The following NR3C2 variants were observed in gnomAD, a reference collection of about 807,000 sequenced individuals.
NR3C2 encodes mineralocorticoid receptor.
A neutral mutation model predicts 86.4 loss-of-function variants in NR3C2; 15 were observed. The observed-to-expected ratio is 0.17, with a 90% CI of 0.12 to 0.27. The LOEUF (loss-of-function observed/expected upper bound fraction) is 0.27, where lower values mean the gene tolerates loss of function less well. Among genes scored for constraint, NR3C2 ranks in the 10% least tolerant of loss-of-function variants. The pLI is 1.00. For missense variants in NR3C2, 960 were observed against 1,195.6 expected, an observed-to-expected ratio of 0.80 and a Z score of 2.91; for synonymous variants, 458 against 450.5, an observed-to-expected ratio of 1.02 and a Z score of -0.21.
chr4:148,233,366 GTT>G (rs56388064), intron 3 of NR3C2, among the ~76,000 whole-genome samples: 1 of 142,782 alleles, frequency 7.0e-6, no homozygotes, highest in African/African-American at 2.6e-5. Context: ...ATTTCTTTAG[GTT>G]TTTTTTTTTG....
intron 8 of NR3C2, among the ~76,000 whole-genome samples, chr4:148,082,997 A>C (rs1198019512): frequency 3.3e-5 from 5 of 152,108 alleles, no homozygotes; most frequent in Admixed American, 3.3e-4. Flanking sequence ...GCAGCTCCCC[A>C]AAACCACTGT....
chr4:148,361,828 T>TCTGTTGTTGTTG (rs1745851910), intron 2 of NR3C2, among the ~76,000 whole-genome samples: 2 of 151,880 alleles, frequency 1.3e-5, no homozygotes, highest in Admixed American at 1.3e-4. Context: ...ACCCTAAAGT[T>TCTGTTGTTGTTG]TTGTTGTTAT....
intron 2 of NR3C2, among the ~76,000 whole-genome samples, chr4:148,405,642 TGA>T (rs1748382988): frequency 6.6e-6 from 1 of 152,156 alleles, no homozygotes; most frequent in Non-Finnish European, 1.5e-5. Context: ...GATAAAAACT[TGA>T]GAGACCTTTG....
intron 1 of NR3C2, among the ~76,000 whole-genome samples, chr4:148,441,747 A>G (rs577260877): frequency 1.3e-5 from 2 of 152,362 alleles, no homozygotes; most frequent in East Asian, 1.9e-4. Context: ...ATTAGGATCT[A>G]TATCTCCTTC....
chr4:148,385,398 T>A (rs1211729791), intron 2 of NR3C2, among the ~76,000 whole-genome samples: 1 of 152,234 alleles, frequency 6.6e-6, no homozygotes, highest in East Asian at 1.9e-4. Flanking sequence ...ATGTTTTAGT[T>A]TGAAGCAATG....
chr4:148,299,715 G>A (rs1304449835), intron 2 of NR3C2, among the ~76,000 whole-genome samples: 1 of 152,154 alleles, frequency 6.6e-6, no homozygotes, highest in Admixed American at 6.5e-5. Flanking sequence ...AGAATAAGAG[G>A]TTCTTCCCCA....
intron 3 of NR3C2, among the ~76,000 whole-genome samples, chr4:148,204,782 A>G (rs1052049924): frequency 2.6e-5 from 4 of 152,204 alleles, no homozygotes; most frequent in Non-Finnish European, 4.4e-5. Flanking sequence ...AACCATATGA[A>G]TTTGGTCGCA....
At chr4:148,221,905 A>G (rs1737874341) in intron 3 of NR3C2, among the ~76,000 whole-genome samples, 1 of 151,360 alleles carries the variant, frequency 6.6e-6, no homozygotes, top group Non-Finnish European at 1.5e-5. Context: ...AAAAAAAAAA[A>G]AAAAAAAGAA....
chr4:148,123,798 T>G lies in NR3C2; in HGVS notation c.2511-3510A>C, dbSNP rs1035533166. 3.3e-5 allele frequency among the ~76,000 whole-genome samples: 5 copies of G among 152,256 alleles called. 1 individual carries two copies. Among genetic ancestry groups the G allele is most frequent in the African/African-American group, 1.2e-4 (5 of 41,474 alleles). On this transcript the variant is annotated intron_variant, in intron 6 of 8. Coordinates refer to ENST00000358102, the MANE Select transcript of NR3C2 (RefSeq NM_000901.5). ...CTTAAGTTATCATTGTTAAATCTAGTTTCTCTCATACACACACACTCCAGG... is the reference window on the plus strand; with the variant it reads ...CTTAAGTTATCATTGTTAAATCTAGGTTCTCTCATACACACACACTCCAGG...
At chr4:148,161,268 A>G (rs1578956884) in intron 4 of NR3C2, among the ~76,000 whole-genome samples, 1 of 152,340 alleles carries the variant, frequency 6.6e-6, no homozygotes, top group South Asian at 2.1e-4. Context: ...GATTTTGTTG[A>G]TATAGAAAAC....
In NR3C2 at chr4:148,236,492, T is replaced by C. The variant is rs533777638; in HGVS notation, c.1897+23486A>G. Among the ~76,000 whole-genome samples the C allele has an allele frequency of 1.1e-3, 165 of 152,020 alleles. 1 individual carries two copies. Among genetic ancestry groups the C allele is most frequent in the African/African-American group, 3.9e-3 (160 of 41,520 alleles). On this transcript the variant is annotated intron_variant, in intron 3 of 8. Coordinates refer to ENST00000358102, the MANE Select transcript of NR3C2 (RefSeq NM_000901.5). ...ACTAATACATAATAGTATTAATATA[T>C]AATAAATAAAATATACAATTAGCAA...
chr4:148,412,646 T>C (rs947331308), intron 2 of NR3C2, among the ~76,000 whole-genome samples: 1 of 152,194 alleles, frequency 6.6e-6, no homozygotes, highest in Non-Finnish European at 1.5e-5. Flanking sequence ...CAACTTGAAA[T>C]GTATTTTCAA....
At chr4:148,297,939 C>G (rs1452539258) in intron 2 of NR3C2, among the ~76,000 whole-genome samples, 1 of 150,530 alleles carries the variant, frequency 6.6e-6, no homozygotes, top group Non-Finnish European at 1.5e-5. Context: ...ATGGACAACA[C>G]AAAATGCTGG....
chr4:148,364,508 C>T (rs986845287), intron 2 of NR3C2, among the ~76,000 whole-genome samples: 1 of 152,212 alleles, frequency 6.6e-6, no homozygotes, highest in Non-Finnish European at 1.5e-5. Context: ...GAGCTACTCT[C>T]TGAAATTGTA....
chr4:148,319,098 T>C (rs950182374), intron 2 of NR3C2, among the ~76,000 whole-genome samples: 3 of 151,800 alleles, frequency 2.0e-5, no homozygotes, highest in Non-Finnish European at 4.4e-5. Context: ...TACATATGGC[T>C]AGCCAGTTTT....
At chr4:148,186,984 G>A (rs1417928451) in intron 4 of NR3C2, among the ~76,000 whole-genome samples, 1 of 38,604 alleles carries the variant, frequency 2.6e-5, no homozygotes, top group African/African-American at 2.4e-4. Context: ...TCATACTGAT[G>A]TGTGTATGTA....
At chr4:148,207,658 A>AT (rs372508272) in intron 3 of NR3C2, among the ~76,000 whole-genome samples, 9 of 152,178 alleles carry the variant, frequency 5.9e-5, no homozygotes, top group African/African-American at 2.2e-4. Flanking sequence ...TTAACCTTAC[A>AT]TTTTTTCATC....
At chr4:148,276,705 G>A (rs112855408) in intron 2 of NR3C2, among the ~76,000 whole-genome samples, 48 of 152,214 alleles carry the variant, frequency 3.2e-4, no homozygotes, top group African/African-American at 1.0e-3. Context: ...GGCTGTTCCC[G>A]AGAAACAAAC....
At chr4:148,295,873 C>T (rs1446492089) in intron 2 of NR3C2, among the ~76,000 whole-genome samples, 2 of 151,818 alleles carry the variant, frequency 1.3e-5, no homozygotes, top group Non-Finnish European at 2.9e-5. Context: ...CTTACCCACA[C>T]AATTTGGAAC....
Sources: gnomAD v4.1 joint callset for allele counts (sites outside exome capture counted in the v4.1 genomes callset) on GRCh38, gnomAD v4.1.1 for gene constraint, MANE v1.5 for transcripts, NCBI Gene and HGNC (gene_info 2026-07-23, HGNC 2026-07-21) for gene names.